The following ZDHHC17 variants were observed in gnomAD, a reference collection of about 807,000 sequenced individuals.
ZDHHC17 encodes zDHHC palmitoyltransferase 17, also known as palmitoyltransferase ZDHHC17.
In ZDHHC17, 40 loss-of-function variants were observed where a neutral mutation model predicts 90.3. That is an observed-to-expected ratio of 0.44 (90% CI 0.34 to 0.58). The LOEUF is 0.58. Among genes scored for constraint, ZDHHC17 ranks in the 20% least tolerant of loss-of-function variants. The pLI is 0.01. For missense variants in ZDHHC17, 614 were observed against 780.8 expected, an observed-to-expected ratio of 0.79 and a Z score of 2.55; for synonymous variants, 235 against 252.4, an observed-to-expected ratio of 0.93 and a Z score of 0.65.
intron 5 of ZDHHC17, among the ~76,000 whole-genome samples, chr12:76,812,849 A>G (rs888519591): frequency 5.3e-5 from 8 of 152,056 alleles, no homozygotes; most frequent in African/African-American, 1.4e-4. Flanking sequence ...ATTCTTTTGG[A>G]TGATTTTCAG....
chr12:76,767,297 C>G (rs970521406), intron 1 of ZDHHC17, among the ~76,000 whole-genome samples: 8 of 152,144 alleles, frequency 5.3e-5, no homozygotes, highest in Non-Finnish European at 1.5e-5. Flanking sequence ...ATTTAATACT[C>G]TCACACAAAA....
At chr12:76,835,243 G>A (rs1479744700) in intron 10 of ZDHHC17, among the ~76,000 whole-genome samples, 7 of 138,762 alleles carry the variant, frequency 5.0e-5, no homozygotes, top group Non-Finnish European at 1.1e-4. Flanking sequence ...TAGAAAAGGG[G>A]TTTTACCATG....
chr12:76,786,436 A>G (rs1190099869), intron 1 of ZDHHC17, among the ~76,000 whole-genome samples: 1 of 152,030 alleles, frequency 6.6e-6, no homozygotes, highest in Non-Finnish European at 1.5e-5. Flanking sequence ...TTTGTATTTT[A>G]GTAGAGATGG....
chr12:76,801,472 T>C (rs555039199), intron 2 of ZDHHC17, among the ~76,000 whole-genome samples: 16 of 151,626 alleles, frequency 1.1e-4, no homozygotes, highest in Non-Finnish European at 2.1e-4. Context: ...GCTAACATGG[T>C]GAAACCCCGT....
chr12:76,769,137 C>A, intron 1 of ZDHHC17: 1 of 376,518 alleles, frequency 2.7e-6, no homozygotes, highest in Non-Finnish European at 5.5e-6. Flanking sequence ...CGGCTTACTG[C>A]AACCTCAGCC....
chr12:76,790,078 A>G (rs1952741869), intron 1 of ZDHHC17, among the ~76,000 whole-genome samples: 1 of 152,238 alleles, frequency 6.6e-6, no homozygotes, highest in Non-Finnish European at 1.5e-5. Context: ...TAATAGGGGA[A>G]ACAGCATGGG....
intron 1 of ZDHHC17, among the ~76,000 whole-genome samples, chr12:76,779,113 G>A (rs548129598): frequency 6.6e-6 from 1 of 152,094 alleles, no homozygotes; most frequent in Admixed American, 6.5e-5. Context: ...TATGAGTTTC[G>A]GGGGTATACA....
intron 1 of ZDHHC17, among the ~76,000 whole-genome samples, chr12:76,782,963 C>T (rs370070856): frequency 2.6e-5 from 4 of 152,092 alleles, no homozygotes; most frequent in Admixed American, 2.0e-4. Context: ...CTTGGCCTGC[C>T]TGACTTAGGT....
Position 76,851,090 on chromosome 12 carries a change from A to AT in ZDHHC17, c.*106dup. The AT allele has an allele frequency of 1.4e-6, 2 of 1,414,508 alleles. No homozygotes were observed. Among genetic ancestry groups the AT allele is most frequent in the Non-Finnish European group, 1.9e-6 (2 of 1,029,628 alleles). 87.6% of individuals were successfully genotyped at this position (1,414,508 alleles called of 1,614,324 possible). A position where few individuals can be genotyped will look rare whatever the true frequency, so the allele number is the denominator to read the frequency against. On this transcript the variant is annotated 3_prime_UTR_variant, in exon 17 of 17. Transcript: ENST00000426126. Reference sequence around the variant, plus strand: ...CACATCCTTTGAACAAGAGCATGCTATGTGTAGGGCTAATGGTGAATTTTA... The same window carrying AT: ...CACATCCTTTGAACAAGAGCATGCTATTGTGTAGGGCTAATGGTGAATTTTA...
chr12:76,813,248 C>CTT, intron 5 of ZDHHC17: 1 of 381,844 alleles, frequency 2.6e-6, no homozygotes. Context: ...ACAATAGTTA[C>CTT]TTCTCATATA....
chr12:76,823,816 T>A (rs1485146112), intron 8 of ZDHHC17, among the ~76,000 whole-genome samples: 1 of 152,198 alleles, frequency 6.6e-6, no homozygotes, highest in African/African-American at 2.4e-5. Flanking sequence ...TAAACTTGGC[T>A]GTTTTCAGCC....
Position 76,831,964 on chromosome 12 carries a change from G to A in ZDHHC17, c.1141+3474G>A, listed in dbSNP as rs548244094. On this transcript the variant is annotated intron_variant, in intron 10 of 16. Transcript: ENST00000426126. ...TAGCTCACAGTTTGTTTGAACATTT[G>A]TGTAGGTGTAAATGATACTCATGGA... 5.8e-4 allele frequency among the ~76,000 whole-genome samples: 88 copies of A among 152,298 alleles called. No homozygotes were observed. The Middle Eastern group carries it at 0.01, about 18-fold the overall frequency.
At chr12:76,767,173 G>A (rs1449434128) in intron 1 of ZDHHC17, among the ~76,000 whole-genome samples, 1 of 152,184 alleles carries the variant, frequency 6.6e-6, no homozygotes, top group African/African-American at 2.4e-5. Context: ...CAGAAGAAAG[G>A]GAAGTGTTAC....
In ZDHHC17 at chr12:76,768,953, A is replaced by G. The variant is rs143628875; in HGVS notation, c.93+4624A>G. The G allele has an allele frequency of 1.2e-3, 196 of 169,432 alleles. 1 individual carries two copies. Among genetic ancestry groups the G allele is most frequent in the Non-Finnish European group, 1.8e-3 (134 of 76,244 alleles). 10.5% of individuals were successfully genotyped at this position (169,432 alleles called of 1,614,324 possible). A position where few individuals can be genotyped will look rare whatever the true frequency, so the allele number is the denominator to read the frequency against. ...TTTATGGTAACGTTTTTTATTTCAC[A>G]TTCATTTTATTATTTCTGATGATTT... On this transcript the variant is annotated intron_variant, in intron 1 of 16. Transcript: ENST00000426126.
At chr12:76,796,351 A>G (rs4761445) in intron 1 of ZDHHC17, among the ~76,000 whole-genome samples, 93,518 of 151,896 alleles carry the variant, frequency 0.62, 28,864 homozygotes, top group East Asian at 0.67. Flanking sequence ...TCAGTTTTTC[A>G]GTTTTTATAT....
At chr12:76,766,719 ATCAG>A (rs1952435422) in intron 1 of ZDHHC17, among the ~76,000 whole-genome samples, 1 of 152,102 alleles carries the variant, frequency 6.6e-6, no homozygotes, top group African/African-American at 2.4e-5. Context: ...TTCAGTTGTA[ATCAG>A]AAAATGGAGA....
chr12:76,803,554 G>A (rs1952918155), intron 2 of ZDHHC17, among the ~76,000 whole-genome samples: 1 of 152,158 alleles, frequency 6.6e-6, no homozygotes, highest in Non-Finnish European at 1.5e-5. Context: ...GTGGTATTGT[G>A]GGAGAAGGAA....
chr12:76,812,372 G>A (rs1403639373), intron 5 of ZDHHC17, among the ~76,000 whole-genome samples: 1 of 151,904 alleles, frequency 6.6e-6, no homozygotes, highest in East Asian at 1.9e-4. Context: ...AGGGCCTTTT[G>A]GTTGCTGTTT....
At chr12:76,809,898 C>T (rs1036569217) in intron 5 of ZDHHC17, 41 bp downstream of exon 5, 1 of 1,582,672 alleles carries the variant, frequency 6.3e-7, no homozygotes, top group African/African-American at 1.3e-5. Context: ...ATCAGATGTT[C>T]TTCATAGTTT....
Sources: allele counts gnomAD v4.1 joint callset (sites outside exome capture counted in the v4.1 genomes callset), GRCh38; gene constraint gnomAD v4.1.1; transcripts MANE v1.5; gene names NCBI Gene and HGNC (gene_info 2026-07-23, HGNC 2026-07-21).